SEM1: variants seen among roughly 807,000 people sequenced by gnomAD.
SEM1 encodes the protein 26S proteasome complex subunit SEM1.
In SEM1, 3 loss-of-function variants were observed where a neutral mutation model predicts 12.7. The observed-to-expected ratio is 0.24, with a 90% CI of 0.11 to 0.61. SEM1 has a LOEUF of 0.61. SEM1 is among the 20% of genes least tolerant of loss of function. The pLI is 0.88. For synonymous variants in SEM1, 30 were observed against 27.8 expected (o/e 1.08, Z -0.25); for missense variants, 59 against 81.3 (o/e 0.73, Z 1.06).
intron 2 of SEM1, among the ~76,000 whole-genome samples, chr7:96,510,611 T>A (rs1273894979): frequency 6.6e-6 from 1 of 152,106 alleles, no homozygotes; most frequent in Non-Finnish European, 1.5e-5. Flanking sequence ...CTAATCTATC[T>A]CAAAAGAGAA....
intron 2 of SEM1, among the ~76,000 whole-genome samples, chr7:96,656,031 G>A (rs1300862246): frequency 6.6e-6 from 1 of 152,176 alleles, no homozygotes; most frequent in African/African-American, 2.4e-5. Context: ...AGTAAGGAAT[G>A]GGGAGCATGT....
chr7:96,556,560 G>A (rs549853175), intron 2 of SEM1, among the ~76,000 whole-genome samples: 383 of 152,074 alleles, frequency 2.5e-3, no homozygotes, highest in Middle Eastern at 0.01. Context: ...CGAGAAATCC[G>A]CTGTTAGTCT....
intron 1 of SEM1, among the ~76,000 whole-genome samples, chr7:96,488,769 C>T (rs1802873716): frequency 6.6e-6 from 1 of 152,154 alleles, no homozygotes; most frequent in South Asian, 2.1e-4. Flanking sequence ...GTTACTGTAG[C>T]CTCACATAGC....
intron 2 of SEM1, among the ~76,000 whole-genome samples, chr7:96,587,598 C>T (rs1356354685): frequency 1.3e-5 from 2 of 151,966 alleles, no homozygotes; most frequent in East Asian, 3.9e-4. Flanking sequence ...TCTCACAGGG[C>T]ATCTTGAACT....
intron 2 of SEM1, among the ~76,000 whole-genome samples, chr7:96,649,037 G>A (rs975391243): frequency 1.3e-5 from 2 of 152,208 alleles, no homozygotes; most frequent in Non-Finnish European, 2.9e-5. Flanking sequence ...CTGAGGACTG[G>A]GGACTCTGTT....
chr7:96,624,060 C>T (rs1807980100), intron 2 of SEM1, among the ~76,000 whole-genome samples: 1 of 152,110 alleles, frequency 6.6e-6, no homozygotes, highest in South Asian at 2.1e-4. Flanking sequence ...ATTACATTTG[C>T]AAAGACCCCT....
intron 2 of SEM1, among the ~76,000 whole-genome samples, chr7:96,579,955 A>ATT (rs35860100): frequency 1.3e-5 from 2 of 151,314 alleles, no homozygotes; most frequent in Non-Finnish European, 2.9e-5. Context: ...TCACCTTTCA[A>ATT]TTTTTTTAAT....
chr7:96,677,905 T>C (rs1563108988), intron 2 of SEM1, among the ~76,000 whole-genome samples: 1 of 152,146 alleles, frequency 6.6e-6, no homozygotes, highest in Non-Finnish European at 1.5e-5. Context: ...AAAGAAGTTT[T>C]CACCCTAAAG....
chr7:96,514,530 C>CA (rs397739878), intron 2 of SEM1, among the ~76,000 whole-genome samples: 25 of 13,816 alleles, frequency 1.8e-3, no homozygotes, highest in Non-Finnish European at 2.5e-3. Context: ...AAGTAATTGA[C>CA]AAAAAACCTC....
chr7:96,560,290 A>C (rs1269384769), intron 2 of SEM1, among the ~76,000 whole-genome samples: 3 of 152,178 alleles, frequency 2.0e-5, no homozygotes, highest in Non-Finnish European at 2.9e-5. Flanking sequence ...AAAGTTGCAA[A>C]GTCACCCAGA....
chr7:96,524,688 T>G (rs1428298251), intron 2 of SEM1, among the ~76,000 whole-genome samples: 1 of 152,000 alleles, frequency 6.6e-6, no homozygotes, highest in Non-Finnish European at 1.5e-5. Context: ...CATTATGTAG[T>G]CAACATAAAA....
At chr7:96,594,959 T>C (rs1010835966) in intron 2 of SEM1, among the ~76,000 whole-genome samples, 2 of 152,160 alleles carry the variant, frequency 1.3e-5, no homozygotes, top group Non-Finnish European at 2.9e-5. Context: ...GTGTCATCTA[T>C]AAAAATGAAT....
chr7:96,689,787 T>C (rs1000612987), intron 2 of SEM1, among the ~76,000 whole-genome samples: 2 of 152,226 alleles, frequency 1.3e-5, no homozygotes, highest in African/African-American at 2.4e-5. Context: ...TGAATCATCC[T>C]TGTCTTCTGC....
At chr7:96,542,889 G>A (rs143358687) in intron 2 of SEM1, among the ~76,000 whole-genome samples, 3 of 151,864 alleles carry the variant, frequency 2.0e-5, no homozygotes, top group African/African-American at 7.2e-5. Context: ...TGTTATGAGA[G>A]CAAAACAAAC....
chr7:96,571,378 G>T (rs1027677900), intron 2 of SEM1, among the ~76,000 whole-genome samples: 2 of 151,924 alleles, frequency 1.3e-5, no homozygotes, highest in Non-Finnish European at 2.9e-5. Context: ...GTTAATTTTT[G>T]TATAATGTGT....
intron 2 of SEM1, among the ~76,000 whole-genome samples, chr7:96,666,332 T>G (rs1789171992): frequency 1.3e-5 from 2 of 152,140 alleles, no homozygotes; most frequent in African/African-American, 4.8e-5. Flanking sequence ...GAGTCCTGGG[T>G]TCAAATCCTG....
At chr7:96,658,827 A>C (rs1809271490) in intron 2 of SEM1, among the ~76,000 whole-genome samples, 1 of 152,196 alleles carries the variant, frequency 6.6e-6, no homozygotes, top group Admixed American at 6.5e-5. Context: ...AGGTGTGCCC[A>C]CCAAAAAGGA....
chr7:96,616,905 A>G (rs987108762), intron 2 of SEM1, among the ~76,000 whole-genome samples: 3 of 152,092 alleles, frequency 2.0e-5, no homozygotes, highest in Admixed American at 6.6e-5. Context: ...ATTGATCTAT[A>G]TGTCTATTTT....
At chr7:96,611,888 T>C (rs1473176560) in intron 2 of SEM1, among the ~76,000 whole-genome samples, 4 of 152,116 alleles carry the variant, frequency 2.6e-5, no homozygotes, top group African/African-American at 9.7e-5. Flanking sequence ...GGATCTACTA[T>C]CTAAAAGTCA....
Sources: gnomAD v4.1 joint callset for allele counts (sites outside exome capture counted in the v4.1 genomes callset) on GRCh38, gnomAD v4.1.1 for gene constraint, MANE v1.5 for transcripts, NCBI Gene and HGNC (gene_info 2026-07-23, HGNC 2026-07-21) for gene names.